Variants in TULP4 observed in about 807,000 individuals in gnomAD.
TULP4 encodes tubby-related protein 4.
Under a neutral mutation model 129.0 loss-of-function variants are expected in TULP4, and 16 were observed. The ratio of observed to expected loss-of-function variants is 0.12; its 90% CI spans 0.08 to 0.19. The LOEUF is 0.19. Ranked by LOEUF, TULP4 falls within the 10% of genes least tolerant of loss-of-function variation. TULP4 has a pLI of 1.00. For missense variants in TULP4, 1,842 were observed against 2,059.1 expected (o/e 0.89, Z 2.04); for synonymous variants, 998 against 854.0 (o/e 1.17, Z -2.94).
intron 1 of TULP4, among the ~76,000 whole-genome samples, chr6:158,234,590 C>G (rs1032689173): frequency 6.6e-6 from 1 of 152,190 alleles, no homozygotes; most frequent in African/African-American, 2.4e-5. Context: ...AGTGGCTCAG[C>G]TATGCATGTG....
chr6:158,354,515 C>T (rs920752180), intron 1 of TULP4, among the ~76,000 whole-genome samples: 23 of 152,102 alleles, frequency 1.5e-4, no homozygotes, highest in African/African-American at 3.1e-4. Context: ...ATACTTAACA[C>T]GGTATCAGCT....
At chr6:158,478,585 T>C (rs1366431294) in intron 6 of TULP4, among the ~76,000 whole-genome samples, 1 of 152,156 alleles carries the variant, frequency 6.6e-6, no homozygotes, top group African/African-American at 2.4e-5. Flanking sequence ...AGACTTGAGT[T>C]TTCCAGACTC....
chr6:158,254,658 G>A (rs917761371), intron 1 of TULP4, among the ~76,000 whole-genome samples: 4 of 152,202 alleles, frequency 2.6e-5, no homozygotes, highest in Admixed American at 6.5e-5. Flanking sequence ...CAGCCACCTT[G>A]CACAATATGT....
intron 11 of TULP4, among the ~76,000 whole-genome samples, chr6:158,497,901 G>A (rs2128260491): frequency 6.6e-6 from 1 of 152,362 alleles, no homozygotes; most frequent in Non-Finnish European, 1.5e-5. Context: ...CTGTCTCACA[G>A]GAGAGACTAT....
chr6:158,469,208 G>C (rs1003745777), intron 6 of TULP4, among the ~76,000 whole-genome samples: 1 of 151,976 alleles, frequency 6.6e-6, no homozygotes, highest in Non-Finnish European at 1.5e-5. Context: ...AGTTCAGAGA[G>C]ATTGTAAGAG....
intron 1 of TULP4, among the ~76,000 whole-genome samples, chr6:158,382,891 C>T (rs1777360465): frequency 6.6e-6 from 1 of 152,098 alleles, no homozygotes; most frequent in Admixed American, 6.5e-5. Context: ...AGAGCAATGC[C>T]CTTTTCACAT....
Position 158,250,511 on chromosome 6 carries a change from T to G in TULP4, n.68+18208T>G, listed in dbSNP as rs145329888. Among the ~76,000 whole-genome samples the G allele has an allele frequency of 4.6e-5, 7 of 152,330 alleles. No individual in the cohort carries two copies. In the Middle Eastern group the frequency reaches 0.01, roughly 222 times the overall value. ...GAAGCAATAATGTTTATGAGGTGCT[T>G]TGGAATCAGCTTTCTATAAATTTAT... On this transcript the variant is annotated intron_variant and non_coding_transcript_variant, in intron 1 of 1. Transcript: ENST00000620026.
At chr6:158,359,045 T>C (rs1780709279) in intron 1 of TULP4, among the ~76,000 whole-genome samples, 1 of 152,170 alleles carries the variant, frequency 6.6e-6, no homozygotes, top group Admixed American at 6.5e-5. Flanking sequence ...TCACTACATG[T>C]TCTTTTATAT....
chr6:158,343,628 C>A (rs1780236854), intron 1 of TULP4, among the ~76,000 whole-genome samples: 1 of 152,158 alleles, frequency 6.6e-6, no homozygotes, highest in Non-Finnish European at 1.5e-5. Flanking sequence ...GTCACAGCCC[C>A]ACCATGCTGG....
chr6:158,443,922 T>C (rs1005411657), intron 3 of TULP4, among the ~76,000 whole-genome samples: 1 of 151,818 alleles, frequency 6.6e-6, no homozygotes, highest in African/African-American at 2.4e-5. Flanking sequence ...AACAGGGAGG[T>C]CTTAAAAAAT....
chr6:158,400,434 C>G (rs1014312626), intron 1 of TULP4, among the ~76,000 whole-genome samples: 1 of 152,086 alleles, frequency 6.6e-6, no homozygotes, highest in Admixed American at 6.5e-5. Context: ...TGGATTCATT[C>G]TATTATACAG....
In TULP4 at chr6:158,508,729, G is replaced by T. The variant is rs1035492986; in HGVS notation, c.*2035G>T. 2 of 152,390 alleles carry T rather than the reference G, an allele frequency of 1.3e-5. No individual in the cohort carries two copies. The highest frequency in any genetic ancestry group is 4.8e-5 in the African/African-American group (2 of 41,368). 9.4% of individuals were successfully genotyped at this position (152,390 alleles called of 1,614,324 possible). A position where few individuals can be genotyped will look rare whatever the true frequency, so the allele number is the denominator to read the frequency against. On this transcript the variant is annotated 3_prime_UTR_variant, in exon 14 of 14. Transcript: ENST00000367097. The stretch of plus-strand genomic sequence containing the variant: ...CGTTTAGGAGATAATTATTTATCTT[G>T]CTTTTCATAGTGTTCTTAGGAATTA...
chr6:158,342,828 T>C (rs1192724987), intron 1 of TULP4, among the ~76,000 whole-genome samples: 1 of 152,194 alleles, frequency 6.6e-6, no homozygotes, highest in Non-Finnish European at 1.5e-5. Flanking sequence ...GAGGATTAAG[T>C]CGAATAATGT....
intron 9 of TULP4, among the ~76,000 whole-genome samples, chr6:158,490,011 C>T (rs1029754360): frequency 6.6e-5 from 10 of 152,116 alleles, no homozygotes; most frequent in East Asian, 5.8e-4. Context: ...CCATAGTTCC[C>T]GGGCTTATAT....
chr6:158,443,931 A>AT (rs1304096926), intron 3 of TULP4, among the ~76,000 whole-genome samples: 2 of 152,242 alleles, frequency 1.3e-5, no homozygotes, highest in Middle Eastern at 3.4e-3. Flanking sequence ...GTCTTAAAAA[A>AT]TTTTTTGGCC....
At chr6:158,364,038 A>T (rs1467570043) in intron 1 of TULP4, among the ~76,000 whole-genome samples, 1 of 152,206 alleles carries the variant, frequency 6.6e-6, no homozygotes, top group Non-Finnish European at 1.5e-5. Context: ...AGGAAATAGA[A>T]CGTATCACTG....
chr6:158,370,947 A>G (rs1777057110), intron 1 of TULP4, among the ~76,000 whole-genome samples: 1 of 152,208 alleles, frequency 6.6e-6, no homozygotes, highest in Non-Finnish European at 1.5e-5. Context: ...GTGAGCTGAA[A>G]TCGTGCCACT....
intron 3 of TULP4, among the ~76,000 whole-genome samples, chr6:158,442,964 T>C (rs1242730946): frequency 6.6e-6 from 1 of 151,666 alleles, no homozygotes; most frequent in Non-Finnish European, 1.5e-5. Flanking sequence ...ATTACAGGCA[T>C]CCACCACCAT....
chr6:158,508,163 G>A lies in TULP4; in HGVS notation c.*1469G>A, dbSNP rs986178288. The A allele has an allele frequency of 6.6e-6, 1 of 152,038 alleles. No homozygotes were observed. Among genetic ancestry groups the A allele is most frequent in the African/African-American group, 2.4e-5 (1 of 41,348 alleles). 9.4% of individuals were successfully genotyped at this position (152,038 alleles called of 1,614,324 possible). A position where few individuals can be genotyped will look rare whatever the true frequency, so the allele number is the denominator to read the frequency against. On this transcript the variant is annotated 3_prime_UTR_variant, in exon 14 of 14. Coordinates refer to ENST00000367097, the MANE Select transcript of TULP4 (RefSeq NM_020245.5). ...TTTTTTGTTGTTGTTTTTTGTTGTT[G>A]TTTTTTGTTTTTGTTTTTGTTTTTC...
Sources: allele counts gnomAD v4.1 joint callset (sites outside exome capture counted in the v4.1 genomes callset), GRCh38; gene constraint gnomAD v4.1.1; transcripts MANE v1.5; gene names NCBI Gene and HGNC (gene_info 2026-07-23, HGNC 2026-07-21).